The following LARGE1 variants were observed in gnomAD, a reference collection of about 807,000 sequenced individuals.
LARGE1 encodes the protein xylosyl- and glucuronyltransferase LARGE1.
Under a neutral mutation model 87.6 loss-of-function variants are expected in LARGE1, and 43 were observed. The observed-to-expected ratio is 0.49, with a 90% CI of 0.38 to 0.63. LARGE1 has a LOEUF of 0.63. LARGE1 is among the 30% of genes least tolerant of loss of function. LARGE1 has a pLI of 0.00. For synonymous variants in LARGE1, 434 were observed against 394.6 expected, an observed-to-expected ratio of 1.10 and a Z score of -1.18; for missense variants, 802 against 1,000.2, an observed-to-expected ratio of 0.80 and a Z score of 2.67.
intron 2 of LARGE1, among the ~76,000 whole-genome samples, chr22:33,730,034 A>C (rs2083408775): frequency 6.6e-6 from 1 of 152,170 alleles, no homozygotes; most frequent in African/African-American, 2.4e-5. Flanking sequence ...GGAGACAGAG[A>C]CCAAAATACA....
chr22:33,580,992 AATG>A (rs138838118), intron 5 of LARGE1, among the ~76,000 whole-genome samples: 46 of 152,152 alleles, frequency 3.0e-4, no homozygotes, highest in Non-Finnish European at 6.5e-4. Flanking sequence ...TGATAATAGG[AATG>A]ATGATGATGA....
chr22:33,574,172 C>T (rs1338525608), intron 5 of LARGE1, among the ~76,000 whole-genome samples: 1 of 152,106 alleles, frequency 6.6e-6, no homozygotes, highest in Non-Finnish European at 1.5e-5. Context: ...ATGTTATGAA[C>T]TGGACTGTGA....
intron 11 of LARGE1, among the ~76,000 whole-genome samples, chr22:33,203,155 C>G (rs113249025): frequency 1.1e-4 from 11 of 100,260 alleles, no homozygotes; most frequent in South Asian, 5.1e-4. Flanking sequence ...AAGAGAGAGA[C>G]AGACAGACAG....
intron 10 of LARGE1, among the ~76,000 whole-genome samples, chr22:33,330,790 G>A (rs1043777093): frequency 6.6e-6 from 1 of 152,178 alleles, no homozygotes; most frequent in African/African-American, 2.4e-5. Flanking sequence ...CTGAAATGGC[G>A]CTCTGCCCCT....
intron 4 of LARGE1, among the ~76,000 whole-genome samples, chr22:33,607,255 A>T (rs905857640): frequency 2.6e-5 from 4 of 152,122 alleles, no homozygotes; most frequent in African/African-American, 9.7e-5. Flanking sequence ...TGAGGTCACG[A>T]GTTTGAGTCC....
chr22:33,563,412 T>C (rs1291644216), intron 6 of LARGE1: 2 of 152,204 alleles, frequency 1.3e-5, no homozygotes, highest in East Asian at 1.9e-4. Flanking sequence ...TCACACCCAG[T>C]AGGGATTCGA....
chr22:33,381,341 A>G (rs2065148960), intron 9 of LARGE1, among the ~76,000 whole-genome samples: 1 of 152,166 alleles, frequency 6.6e-6, no homozygotes, highest in African/African-American at 2.4e-5. Flanking sequence ...CTCTTTCTAT[A>G]GCCAGGTTCA....
At chr22:33,690,787 A>C (rs2082077885) in intron 2 of LARGE1, among the ~76,000 whole-genome samples, 1 of 151,962 alleles carries the variant, frequency 6.6e-6, no homozygotes, top group Non-Finnish European at 1.5e-5. Context: ...CCGCTAGCTG[A>C]TGAGGCTGGC....
rs2064663892 is a variant in LARGE1, at chr22:33,881,005, A to C, written c.-83+38990T>G. 2.0e-5 allele frequency among the ~76,000 whole-genome samples: 3 copies of C among 152,166 alleles called. No individual in the cohort carries two copies. In the South Asian group the frequency reaches 6.2e-4, roughly 31 times the overall value. On this transcript the variant is annotated intron_variant, in intron 1 of 14. Coordinates refer to ENST00000397394, the MANE Select transcript of LARGE1 (RefSeq NM_133642.5). ...TGCAAAGAATAAATGCTATTCTTAC[A>C]AACTGTCCTCCTCCAAACTGTCCTT...
chr22:33,785,509 CT>C (rs1352526400), intron 1 of LARGE1, among the ~76,000 whole-genome samples: 1 of 152,024 alleles, frequency 6.6e-6, no homozygotes, highest in Non-Finnish European at 1.5e-5. Flanking sequence ...CTACCCTAGG[CT>C]AACAATGCAC....
chr22:33,800,021 TTTTAAGACATCTAAGCTAAGCTTCA>T (rs1177974458), intron 1 of LARGE1, among the ~76,000 whole-genome samples: 1 of 152,194 alleles, frequency 6.6e-6, no homozygotes. Flanking sequence ...TTGCTTTAAT[TTTTAAGACATCTAAGCTAAGCTTCA>T]TTTAAGACAT....
At chr22:33,318,092 C>T (rs577907145) in intron 10 of LARGE1, among the ~76,000 whole-genome samples, 10 of 152,038 alleles carry the variant, frequency 6.6e-5, no homozygotes, top group Non-Finnish European at 1.2e-4. Flanking sequence ...AAAAATTAGC[C>T]GGACATGGTG....
chr22:33,092,460 AATTTT>A, the LARGE1 span, among the ~76,000 whole-genome samples: 1 of 151,838 alleles, frequency 6.6e-6, no homozygotes, highest in Non-Finnish European at 1.5e-5. Context: ...TTTAAATTTA[AATTTT>A]ATTTTATTTT....
intron 11 of LARGE1, among the ~76,000 whole-genome samples, chr22:33,218,696 A>C (rs1257578047): frequency 6.6e-6 from 1 of 152,178 alleles, no homozygotes; most frequent in Non-Finnish European, 1.5e-5. Context: ...CCTTTTATCA[A>C]CCTGATGAGG....
chr22:33,085,987 A>G, the LARGE1 span, among the ~76,000 whole-genome samples: 1 of 152,184 alleles, frequency 6.6e-6, no homozygotes. Context: ...ATTGTCTTCT[A>G]TTTTGTTCAA....
chr22:33,371,943 C>G (rs1342425963), intron 9 of LARGE1, among the ~76,000 whole-genome samples: 1 of 150,492 alleles, frequency 6.6e-6, no homozygotes, highest in Non-Finnish European at 1.5e-5. Context: ...GAGATTGCAC[C>G]ACTGCACTCC....
chr22:33,607,764 A>G (rs1602687956), intron 4 of LARGE1, among the ~76,000 whole-genome samples: 1 of 152,218 alleles, frequency 6.6e-6, no homozygotes. Flanking sequence ...CTCAAGGCCA[A>G]CCTGCCATAC....
At chr22:33,096,131 C>T in the LARGE1 span, among the ~76,000 whole-genome samples, 1 of 152,028 alleles carries the variant, frequency 6.6e-6, no homozygotes, top group Non-Finnish European at 1.5e-5. Context: ...GAGATAATAC[C>T]CAGGCCAGGC....
chr22:33,436,030 AGGC>A (rs2067257251), intron 6 of LARGE1, among the ~76,000 whole-genome samples: 1 of 152,216 alleles, frequency 6.6e-6, no homozygotes, highest in Admixed American at 6.5e-5. Flanking sequence ...TTTTGCTTTC[AGGC>A]TGTGCCTTCC....
Sources: gnomAD v4.1 joint callset for allele counts (sites outside exome capture counted in the v4.1 genomes callset) on GRCh38, gnomAD v4.1.1 for gene constraint, MANE v1.5 for transcripts, NCBI Gene and HGNC (gene_info 2026-07-23, HGNC 2026-07-21) for gene names.